The following EPHA6 variants were observed in gnomAD, a reference collection of about 807,000 sequenced individuals.
The protein encoded by EPHA6 is ephrin type-A receptor 6.
Under a neutral mutation model 112.0 loss-of-function variants are expected in EPHA6, and 50 were observed. The ratio of observed to expected loss-of-function variants is 0.45; its 90% CI spans 0.36 to 0.56. EPHA6 has a LOEUF of 0.56. Ranked by LOEUF, EPHA6 falls within the 20% of genes least tolerant of loss-of-function variation. The pLI is 0.00. For synonymous variants in EPHA6, 529 were observed against 490.7 expected, an observed-to-expected ratio of 1.08 and a Z score of -1.03; for missense variants, 1,280 against 1,417.4, an observed-to-expected ratio of 0.90 and a Z score of 1.56.
chr3:97,640,188 A>C (rs898712149), intron 14 of EPHA6, among the ~76,000 whole-genome samples: 1 of 152,216 alleles, frequency 6.6e-6, no homozygotes, highest in Non-Finnish European at 1.5e-5. Flanking sequence ...ACAAAAAGTC[A>C]AAATGTGAAC....
chr3:97,182,524 TA>T (rs1241944331), intron 3 of EPHA6, among the ~76,000 whole-genome samples: 1 of 152,004 alleles, frequency 6.6e-6, no homozygotes, highest in Non-Finnish European at 1.5e-5. Flanking sequence ...TTTTTATTGT[TA>T]ACATATCATA....
intron 5 of EPHA6, 35 bp from the exon 6 acceptor site, chr3:97,405,115 G>A: frequency 1.3e-6 from 2 of 1,553,636 alleles, no homozygotes; most frequent in Middle Eastern, 1.7e-4. Flanking sequence ...AATGATTCCT[G>A]CCAATTAATT....
intron 5 of EPHA6, among the ~76,000 whole-genome samples, chr3:97,279,707 T>C (rs2080220664): frequency 6.6e-6 from 1 of 152,198 alleles, no homozygotes; most frequent in African/African-American, 2.4e-5. Flanking sequence ...ATATGTTTAA[T>C]CTTGATGTTT....
At chr3:97,085,651 A>G (rs1230964377) in intron 3 of EPHA6, among the ~76,000 whole-genome samples, 1 of 152,094 alleles carries the variant, frequency 6.6e-6, no homozygotes, top group Non-Finnish European at 1.5e-5. Flanking sequence ...ATTTACTACA[A>G]ATACTCAGAT....
rs1248643413 is a variant in EPHA6 at position 97,644,472 on chromosome 3, A to G, written c.2784+6390A>G. Among the ~76,000 whole-genome samples the G allele has an allele frequency of 2.0e-4, 31 of 151,714 alleles. 1 individual carries two copies. Among genetic ancestry groups the G allele is most frequent in the African/African-American group, 4.8e-4 (20 of 41,356 alleles). ...ACTGAAGGAAATAGAGACACAAAAA[A>G]CCCTTCAAAAAATTAATGAATCCAG... On this transcript the variant is annotated intron_variant, in intron 14 of 17. Transcript: ENST00000389672.
chr3:97,245,817 A>G (rs1461489987), intron 5 of EPHA6, among the ~76,000 whole-genome samples: 2 of 151,842 alleles, frequency 1.3e-5, no homozygotes, highest in Non-Finnish European at 1.5e-5. Flanking sequence ...TACATACGTG[A>G]TAAATGGACA....
intron 2 of EPHA6, among the ~76,000 whole-genome samples, chr3:96,949,179 T>C (rs375865815): frequency 1.3e-5 from 2 of 152,180 alleles, no homozygotes; most frequent in African/African-American, 4.8e-5. Flanking sequence ...TACTGATTGA[T>C]AGACGGAGAA....
intron 3 of EPHA6, among the ~76,000 whole-genome samples, chr3:97,081,532 C>A (rs923032540): frequency 1.3e-5 from 2 of 151,646 alleles, no homozygotes; most frequent in African/African-American, 4.8e-5. Flanking sequence ...TGTATTTTTT[C>A]TTTCCAGGTT....
intron 5 of EPHA6, among the ~76,000 whole-genome samples, chr3:97,331,117 G>T (rs2082776651): frequency 6.6e-6 from 1 of 152,084 alleles, no homozygotes; most frequent in Non-Finnish European, 1.5e-5. Flanking sequence ...CATCTACATG[G>T]AAACTGAACA....
chr3:97,136,053 G>A (rs2075761241), intron 3 of EPHA6, among the ~76,000 whole-genome samples: 1 of 152,118 alleles, frequency 6.6e-6, no homozygotes, highest in Non-Finnish European at 1.5e-5. Flanking sequence ...ACCCTCAAAG[G>A]AGGTTAAAGT....
intron 5 of EPHA6, among the ~76,000 whole-genome samples, chr3:97,298,499 C>T (rs1372903551): frequency 6.6e-6 from 1 of 152,156 alleles, no homozygotes; most frequent in African/African-American, 2.4e-5. Flanking sequence ...TACTCCCTTA[C>T]TTGACAATTA....
intron 3 of EPHA6, among the ~76,000 whole-genome samples, chr3:97,169,076 T>G (rs1045895900): frequency 6.6e-6 from 1 of 152,196 alleles, no homozygotes; most frequent in Non-Finnish European, 1.5e-5. Flanking sequence ...GTGTGTCACA[T>G]TGGAGACTGT....
chr3:96,906,364 T>C (rs976084346), intron 2 of EPHA6, among the ~76,000 whole-genome samples: 1 of 152,048 alleles, frequency 6.6e-6, no homozygotes, highest in African/African-American at 2.4e-5. Context: ...TTCACTTAAG[T>C]TCAGGCTTTT....
rs2036113647 is a variant in EPHA6 at position 97,759,781 on chromosome 3, A to T, written c.*11080A>T. On this transcript the variant is annotated 3_prime_UTR_variant, in exon 18 of 18. Transcript: ENST00000389672. ...GGGAAGGACGTATAGGTTGGAAGAGACATATGTAAGTAGTTGGATAGTAGG... is the reference window on the plus strand; with the variant it reads ...GGGAAGGACGTATAGGTTGGAAGAGTCATATGTAAGTAGTTGGATAGTAGG... The T allele has an allele frequency of 4.4e-6, 1 of 225,178 alleles. No individual in the cohort carries two copies. The highest frequency in any genetic ancestry group is 1.8e-4 in the South Asian group (1 of 5,450). 13.9% of individuals were successfully genotyped at this position (225,178 alleles called of 1,614,324 possible). A position where few individuals can be genotyped will look rare whatever the true frequency, so the allele number is the denominator to read the frequency against.
intron 3 of EPHA6, among the ~76,000 whole-genome samples, chr3:97,189,633 T>C (rs2077247665): frequency 6.6e-6 from 1 of 152,098 alleles, no homozygotes; most frequent in Admixed American, 6.6e-5. Context: ...TCTCACACTT[T>C]TCACCACAAG....
intron 3 of EPHA6, among the ~76,000 whole-genome samples, chr3:97,210,703 G>A (rs1432499638): frequency 6.6e-6 from 1 of 152,116 alleles, no homozygotes; most frequent in African/African-American, 2.4e-5. Flanking sequence ...AAATGTTCCA[G>A]TTACTCAGTG....
chr3:97,402,226 A>C (rs1403573133), intron 5 of EPHA6, among the ~76,000 whole-genome samples: 1 of 151,932 alleles, frequency 6.6e-6, no homozygotes, highest in African/African-American at 2.4e-5. Flanking sequence ...CTGTCTCGAT[A>C]AGCTCTCTAA....
At chr3:97,477,289 T>C (rs1195959162) in intron 8 of EPHA6, among the ~76,000 whole-genome samples, 3 of 151,892 alleles carry the variant, frequency 2.0e-5, no homozygotes, top group Admixed American at 6.6e-5. Flanking sequence ...AAAGTGATTA[T>C]AAAAAATAAA....
At chr3:97,441,884 AATG>A (rs1473900218) in intron 6 of EPHA6, among the ~76,000 whole-genome samples, 3 of 152,102 alleles carry the variant, frequency 2.0e-5, no homozygotes, top group African/African-American at 4.8e-5. Context: ...ACAGAGAGAA[AATG>A]ATGATTTATT....
Sources: gnomAD v4.1 joint callset for allele counts (sites outside exome capture counted in the v4.1 genomes callset) on GRCh38, gnomAD v4.1.1 for gene constraint, MANE v1.5 for transcripts, NCBI Gene and HGNC (gene_info 2026-07-23, HGNC 2026-07-21) for gene names.